The following PEX5L variants were observed in gnomAD, a reference collection of about 807,000 sequenced individuals.
PEX5L encodes the protein PEX5-related protein.
PEX5L carries 30 observed loss-of-function variants against 84.0 expected under a neutral mutation model. The ratio of observed to expected loss-of-function variants is 0.36; its 90% CI spans 0.27 to 0.48. PEX5L has a LOEUF of 0.48. Among genes scored for constraint, PEX5L ranks in the 20% least tolerant of loss-of-function variants. PEX5L has a pLI of 0.99. For missense variants in PEX5L, 533 were observed against 754.6 expected (o/e 0.71, Z 3.44); for synonymous variants, 270 against 283.1 (o/e 0.95, Z 0.46).
intron 8 of PEX5L, among the ~76,000 whole-genome samples, chr3:179,841,279 C>T (rs1033832517): frequency 5.9e-5 from 9 of 152,270 alleles, no homozygotes; most frequent in African/African-American, 2.2e-4. Flanking sequence ...CGCCTCTGTA[C>T]ATTTGCATGT....
In PEX5L at chr3:180,036,664, C is replaced by T. The variant is rs1791936287; in HGVS notation, c.-65G>A. 1.3e-6 allele frequency: 2 copies of T among 1,583,982 alleles called. No homozygotes were observed. On this transcript the variant is annotated 5_prime_UTR_variant, in exon 1 of 15. Transcript: ENST00000467460. ...TGCTTTTCCCCCGTGCTTACTTGCC[C>T]ACCAAAAGAGGGGAAAAGGTGGGTG...
At chr3:179,872,922 T>C (rs976040458) in intron 7 of PEX5L, among the ~76,000 whole-genome samples, 1 of 152,250 alleles carries the variant, frequency 6.6e-6, no homozygotes, top group Non-Finnish European at 1.5e-5. Flanking sequence ...AAAAACTACA[T>C]TTTCATGCTA....
In PEX5L at chr3:179,989,507, A is replaced by C. The variant is rs573600692; in HGVS notation, c.22-17842T>G. 9.8e-4 allele frequency among the ~76,000 whole-genome samples: 149 copies of C among 152,324 alleles called. 1 individual carries two copies. The highest frequency in any genetic ancestry group is 3.5e-3 in the African/African-American group (146 of 41,570). On this transcript the variant is annotated intron_variant, in intron 1 of 14. Coordinates refer to ENST00000467460, the MANE Select transcript of PEX5L (RefSeq NM_016559.3). ...GTTTACAAAATTTATCCATTTATAC[A>C]TTATATTCCTACCATACTAGCTATG...
chr3:179,815,050 T>C (rs142110025), intron 10 of PEX5L, among the ~76,000 whole-genome samples: 1,908 of 152,316 alleles, frequency 0.013, 30 homozygotes, highest in Middle Eastern at 0.017. Flanking sequence ...CACTCTGACA[T>C]TGCATTTATT....
intron 7 of PEX5L, among the ~76,000 whole-genome samples, chr3:179,860,490 G>C (rs1262658228): frequency 6.6e-6 from 1 of 152,316 alleles, no homozygotes; most frequent in Non-Finnish European, 1.5e-5. Context: ...AAGAAACTCT[G>C]GGGGTGGGAC....
intron 12 of PEX5L, 147 bp downstream of exon 12, chr3:179,809,324 C>T (rs978523133): frequency 3.3e-5 from 21 of 636,088 alleles, no homozygotes; most frequent in Non-Finnish European, 4.8e-5. Context: ...ATCTTTCTAA[C>T]GAGTGATGCT....
At chr3:179,896,195 T>G (rs1332011599) in intron 3 of PEX5L, 1 of 152,154 alleles carries the variant, frequency 6.6e-6, no homozygotes, top group Non-Finnish European at 1.5e-5. Flanking sequence ...TATCAACTAA[T>G]AAAACTGCAT....
At chr3:180,013,817 T>C (rs1789693545) in intron 1 of PEX5L, among the ~76,000 whole-genome samples, 1 of 152,222 alleles carries the variant, frequency 6.6e-6, no homozygotes, top group Non-Finnish European at 1.5e-5. Flanking sequence ...ATAATAATGA[T>C]TGTATTATGA....
chr3:179,954,451 T>C (rs1779990020), intron 2 of PEX5L, among the ~76,000 whole-genome samples: 1 of 152,202 alleles, frequency 6.6e-6, no homozygotes, highest in Non-Finnish European at 1.5e-5. Context: ...ACTGGGCTTC[T>C]TCCAAAGAAT....
chr3:179,893,439 ATTGT>A (rs1217612768), intron 3 of PEX5L, among the ~76,000 whole-genome samples: 5 of 152,236 alleles, frequency 3.3e-5, no homozygotes, highest in Middle Eastern at 3.4e-3. Flanking sequence ...GTATGTTTAT[ATTGT>A]TTGTTTTGTG....
intron 3 of PEX5L, among the ~76,000 whole-genome samples, chr3:179,889,073 G>A (rs904777650): frequency 6.6e-6 from 1 of 152,056 alleles, no homozygotes; most frequent in South Asian, 2.1e-4. Context: ...CACTGTGCCT[G>A]GCCAATCTCT....
chr3:179,999,476 T>C (rs1164288331), intron 1 of PEX5L, among the ~76,000 whole-genome samples: 1 of 152,170 alleles, frequency 6.6e-6, no homozygotes, highest in East Asian at 1.9e-4. Flanking sequence ...CTACAGCCAC[T>C]GCTGAGTGCC....
chr3:179,815,689 T>C (rs531208172), intron 10 of PEX5L, among the ~76,000 whole-genome samples, 172 bp downstream of exon 10: 4 of 152,348 alleles, frequency 2.6e-5, no homozygotes, highest in African/African-American at 7.2e-5. Context: ...AATTAGAAAT[T>C]TGGTTAGAAA....
At chr3:180,030,203 G>A (rs1375940974) in intron 1 of PEX5L, among the ~76,000 whole-genome samples, 6 of 152,116 alleles carry the variant, frequency 3.9e-5, no homozygotes, top group Non-Finnish European at 7.4e-5. Context: ...CCTAGTGTGA[G>A]GGTCTTTCCC....
intron 2 of PEX5L, among the ~76,000 whole-genome samples, chr3:179,952,417 G>C (rs1779337226): frequency 6.6e-6 from 1 of 152,080 alleles, no homozygotes. Flanking sequence ...GGGGGTGTGG[G>C]AAGAAGGGAA....
intron 2 of PEX5L, among the ~76,000 whole-genome samples, chr3:179,941,837 A>C (rs1158850197): frequency 6.6e-6 from 1 of 152,038 alleles, no homozygotes; most frequent in African/African-American, 2.4e-5. Context: ...CCTGGCCAAC[A>C]CAGTGAAAAC....
At chr3:179,837,193 T>A (rs1221014290) in intron 8 of PEX5L, among the ~76,000 whole-genome samples, 1 of 152,176 alleles carries the variant, frequency 6.6e-6, no homozygotes, top group Admixed American at 6.5e-5. Context: ...CCTGAAAACC[T>A]ATAAGCTGAA....
At chr3:179,862,324 C>T (rs1470400770) in intron 7 of PEX5L, among the ~76,000 whole-genome samples, 1 of 152,210 alleles carries the variant, frequency 6.6e-6, no homozygotes, top group African/African-American at 2.4e-5. Context: ...CAGCCAACTA[C>T]AACCCTGATC....
chr3:179,843,846 C>T (rs1021808197), intron 8 of PEX5L, among the ~76,000 whole-genome samples: 1 of 152,198 alleles, frequency 6.6e-6, no homozygotes, highest in Non-Finnish European at 1.5e-5. Context: ...GCTTCCCCTT[C>T]CTCCCATGGA....
Sources: gnomAD v4.1 joint callset for allele counts (sites outside exome capture counted in the v4.1 genomes callset) on GRCh38, gnomAD v4.1.1 for gene constraint, MANE v1.5 for transcripts, NCBI Gene and HGNC (gene_info 2026-07-23, HGNC 2026-07-21) for gene names.